The following CACNA2D1 variants were observed in gnomAD, a reference collection of about 807,000 sequenced individuals.
CACNA2D1 encodes the protein voltage-dependent calcium channel subunit alpha-2/delta-1.
CACNA2D1 carries 53 observed loss-of-function variants against 171.5 expected under a neutral mutation model. The observed-to-expected ratio is 0.31, with a 90% CI of 0.25 to 0.39. The LOEUF is 0.39. CACNA2D1 is among the 10% of genes least tolerant of loss of function. The pLI, the probability that CACNA2D1 is intolerant of heterozygous loss-of-function variation, is 1.00. For missense variants in CACNA2D1, 903 were observed against 1,299.8 expected (o/e 0.69, Z 4.69); for synonymous variants, 442 against 443.1 (o/e 1.00, Z 0.03).
intron 6 of CACNA2D1, among the ~76,000 whole-genome samples, chr7:82,105,789 A>T (rs1437237059): frequency 6.6e-6 from 1 of 152,154 alleles, no homozygotes; most frequent in Non-Finnish European, 1.5e-5. Flanking sequence ...ATGGCAATCT[A>T]GGTGAATACA....
At chr7:82,192,432 C>T in intron 3 of CACNA2D1, among the ~76,000 whole-genome samples, 1 of 141,378 alleles carries the variant, frequency 7.1e-6, no homozygotes, top group East Asian at 2.1e-4. Context: ...GTCTATATGT[C>T]TGTGTGTGTG....
Position 82,443,405 on chromosome 7 carries a change from T to C in CACNA2D1, c.55A>G (p.Ile19Val). ...LTLTLFQSLL[I>V]GPSSEEPFPS... Reference sequence around the variant, plus strand: ...AACGGCTCCTCCGACGAGGGGCCGATGAGCAAAGATTGGAAAAGTGTCAGA... The same window carrying C: ...AACGGCTCCTCCGACGAGGGGCCGACGAGCAAAGATTGGAAAAGTGTCAGA... The change falls in exon 1 of 39, where the codon ATC becomes GTC. Residue 19 changes from isoleucine (I) to valine (V), a missense_variant. By Grantham distance (29) the Ile-to-Val change is conservative. Around this residue, in one of 5 missense-constraint regions of CACNA2D1, gnomAD observed 41 missense variants for 27.6 expected, o/e 1.49. Transcript: ENST00000356860. The C allele has an allele frequency of 6.2e-7, 1 of 1,606,150 alleles. No homozygotes were observed. The highest frequency in any genetic ancestry group is 1.3e-5 in the African/African-American group (1 of 74,400).
chr7:82,023,097 A>G (rs901498236), intron 12 of CACNA2D1, among the ~76,000 whole-genome samples: 2 of 151,594 alleles, frequency 1.3e-5, no homozygotes, highest in African/African-American at 2.4e-5. Context: ...TTATCTTTCA[A>G]CTCTGTGTCT....
intron 6 of CACNA2D1, among the ~76,000 whole-genome samples, chr7:82,114,878 A>T (rs1480149791): frequency 6.6e-6 from 1 of 152,160 alleles, no homozygotes; most frequent in Non-Finnish European, 1.5e-5. Context: ...TCTTTTACAC[A>T]TCAGTCTTCT....
chr7:81,983,413 T>A, intron 22 of CACNA2D1, 79 bp from the exon 23 acceptor site: 1 of 1,017,702 alleles, frequency 9.8e-7, no homozygotes, highest in Non-Finnish European at 1.5e-6. Flanking sequence ...TAAACAATAT[T>A]TTATTCAATG....
intron 10 of CACNA2D1, among the ~76,000 whole-genome samples, chr7:82,055,464 G>A (rs1584561576): frequency 1.3e-5 from 2 of 151,970 alleles, no homozygotes; most frequent in East Asian, 2.0e-4. Context: ...ACATGCACAC[G>A]TATGTTTACT....
rs113912185 is a variant in CACNA2D1 at position 82,418,848 on chromosome 7, G to A, written c.95+24517C>T. On this transcript the variant is annotated intron_variant, in intron 1 of 38. Coordinates refer to ENST00000356860, the MANE Select transcript of CACNA2D1 (RefSeq NM_000722.4). The stretch of plus-strand genomic sequence containing the variant: ...AAGACTAAACATTAGGCTGGGCACG[G>A]TGGCTCACGCCTGTAATCCCAGCAC... 9.2e-5 allele frequency among the ~76,000 whole-genome samples: 14 copies of A among 152,310 alleles called. 1 individual carries two copies. The highest frequency in any genetic ancestry group is 3.4e-4 in the African/African-American group (14 of 41,570).
chr7:82,362,029 C>T (rs1370874914), intron 1 of CACNA2D1, among the ~76,000 whole-genome samples: 1 of 152,066 alleles, frequency 6.6e-6, no homozygotes, highest in African/African-American at 2.4e-5. Context: ...AAAACTGAAT[C>T]ATATTCAATC....
At chr7:82,412,449 T>C (rs562703732) in intron 1 of CACNA2D1, among the ~76,000 whole-genome samples, 19 of 152,046 alleles carry the variant, frequency 1.2e-4, no homozygotes, top group Non-Finnish European at 2.1e-4. Context: ...GCCCATCTAA[T>C]TTTTTGTATG....
At chr7:82,216,027 GCCTCTA>G (rs1801063082) in intron 3 of CACNA2D1, among the ~76,000 whole-genome samples, 18 of 151,920 alleles carry the variant, frequency 1.2e-4, no homozygotes, top group African/African-American at 4.1e-4. Context: ...AAATCATTTT[GCCTCTA>G]ACTGAGATCT....
At chr7:82,423,696 C>T (rs925294831) in intron 1 of CACNA2D1, among the ~76,000 whole-genome samples, 58 of 152,270 alleles carry the variant, frequency 3.8e-4, no homozygotes, top group East Asian at 1.4e-3. Context: ...AAAGTAGAGC[C>T]TATCACTTTC....
At chr7:81,970,411 T>C (rs564916388) in intron 27 of CACNA2D1, among the ~76,000 whole-genome samples, 28 of 151,544 alleles carry the variant, frequency 1.8e-4, no homozygotes, top group Non-Finnish European at 4.1e-4. Flanking sequence ...AGCTTGTATC[T>C]ACAAAGAGAA....
chr7:82,397,369 GTCTTC>G (rs1225684670), intron 1 of CACNA2D1, among the ~76,000 whole-genome samples: 5 of 151,842 alleles, frequency 3.3e-5, no homozygotes, highest in African/African-American at 1.2e-4. Flanking sequence ...GTATATTTCA[GTCTTC>G]TCTTAGCTCT....
intron 10 of CACNA2D1, among the ~76,000 whole-genome samples, chr7:82,053,556 A>T (rs935220382): frequency 1.3e-4 from 20 of 152,318 alleles, no homozygotes; most frequent in African/African-American, 3.6e-4. Context: ...ATAAACAAGT[A>T]AATAAGTAAC....
intron 4 of CACNA2D1, among the ~76,000 whole-genome samples, chr7:82,145,364 C>T (rs1416136330): frequency 7.2e-6 from 1 of 139,134 alleles, no homozygotes; most frequent in African/African-American, 2.6e-5. Context: ...TTATATATTA[C>T]ACATTATATA....
chr7:82,406,007 A>G (rs1483256172), intron 1 of CACNA2D1, among the ~76,000 whole-genome samples: 2 of 152,086 alleles, frequency 1.3e-5, no homozygotes, highest in Admixed American at 1.3e-4. Context: ...GTCATTTAAC[A>G]TTAGGTGTAT....
chr7:82,305,814 T>C (rs1194728719), intron 3 of CACNA2D1, among the ~76,000 whole-genome samples: 2 of 152,190 alleles, frequency 1.3e-5, no homozygotes, highest in Non-Finnish European at 2.9e-5. Context: ...CCTACACTTT[T>C]GGTGCTATGA....
intron 1 of CACNA2D1, among the ~76,000 whole-genome samples, chr7:82,378,643 T>C (rs1823301001): frequency 6.6e-6 from 1 of 152,182 alleles, no homozygotes; most frequent in Non-Finnish European, 1.5e-5. Flanking sequence ...TCATGAATTC[T>C]CCAGACTTGT....
At chr7:82,026,669 C>T (rs997314493) in intron 12 of CACNA2D1, among the ~76,000 whole-genome samples, 19 of 151,622 alleles carry the variant, frequency 1.3e-4, no homozygotes, top group African/African-American at 3.4e-4. Flanking sequence ...GGCTGCAGAT[C>T]GCTCACACAG....
Sources: gnomAD v4.1 joint callset for allele counts (sites outside exome capture counted in the v4.1 genomes callset) on GRCh38, gnomAD v4.1.1 for gene constraint, gnomAD v4.1.1 regional missense constraint, MANE v1.5 for transcripts, NCBI Gene and HGNC (gene_info 2026-07-23, HGNC 2026-07-21) for gene names.